Variants in KCNH4 observed in about 807,000 individuals in gnomAD.
KCNH4 encodes the protein potassium voltage-gated channel subfamily H member 4, also known as voltage-gated delayed rectifier potassium channel KCNH4.
A neutral mutation model predicts 90.7 loss-of-function variants in KCNH4; 33 were observed. That is an observed-to-expected ratio of 0.36 (90% CI 0.28 to 0.49). KCNH4 has a LOEUF of 0.49. Among genes scored for constraint, KCNH4 ranks in the 20% least tolerant of loss-of-function variants. The pLI is 0.98. For missense variants in KCNH4, 1,044 were observed against 1,387.1 expected, an observed-to-expected ratio of 0.75 and a Z score of 3.93; for synonymous variants, 551 against 581.7, an observed-to-expected ratio of 0.95 and a Z score of 0.76.
At chr17:42,158,726 T>A (rs1568029761) in intron 16 of KCNH4, among the ~76,000 whole-genome samples, 1 of 150,308 alleles carries the variant, frequency 6.7e-6, no homozygotes, top group East Asian at 2.0e-4. Flanking sequence ...TCCCAGCTAC[T>A]TGGGAGCCTG....
At chr17:42,172,353 T>C (rs2079832866) in intron 6 of KCNH4, among the ~76,000 whole-genome samples, 1 of 151,904 alleles carries the variant, frequency 6.6e-6, no homozygotes, top group South Asian at 2.1e-4. Context: ...TTTGTATTTG[T>C]AGTAGAGACA....
In KCNH4 at chr17:42,180,832, C is replaced by T. The variant is rs768572484; in HGVS notation, c.76+38G>A. ...GACGGCCCCGAGGATACTTGCCCCC[C>T]AGCTCGAACCTCAAGCCCCGACCTC... On this transcript the variant is annotated intron_variant, in intron 1 of 16. Transcript: ENST00000264661. This position sits in a 1 kb window ranked among gnomAD's most constrained non-coding sequence, Gnocchi z 4.7. 3.1e-6 allele frequency: 5 copies of T among 1,600,244 alleles called. No individual in the cohort carries two copies. The East Asian group carries it at 1.1e-4, about 36-fold the overall frequency.
rs1364931996 is a variant in KCNH4, at chr17:42,181,133, C to T, written c.-188G>A. 3 of 548,872 alleles carry T rather than the reference C, an allele frequency of 5.5e-6. No homozygotes were observed. Among genetic ancestry groups the T allele is most frequent in the East Asian group, 3.4e-5 (1 of 29,838 alleles). The allele number at this position is 548,872 out of a possible 1,614,324, so 34.0% of individuals were successfully genotyped here. On this transcript the variant is annotated 5_prime_UTR_variant, in exon 1 of 17. Coordinates refer to ENST00000264661, the MANE Select transcript of KCNH4 (RefSeq NM_012285.3). ...CGTAGCTCTCGGCTCGGCTCAGCGC[C>T]GTTTCGGTCCCCCCCACCTCCCCAC...
At chr17:42,158,057 A>T (rs2079720722) in intron 16 of KCNH4, among the ~76,000 whole-genome samples, 1 of 151,652 alleles carries the variant, frequency 6.6e-6, no homozygotes, top group Non-Finnish European at 1.5e-5. Context: ...GCCTCCCGCG[A>T]AGCTGGGATT....
Position 42,171,972 on chromosome 17 carries a change from C to A in KCNH4, c.1011G>T (p.Lys337Asn). 6.2e-7 allele frequency: 1 copy of A among 1,607,954 alleles called. No homozygotes were observed. Among genetic ancestry groups the A allele is most frequent in the Non-Finnish European group, 8.5e-7 (1 of 1,177,648 alleles). Residue 337 changes from lysine (K) to asparagine (N), a missense_variant, in exon 7 of 17, where the codon AAG becomes AAT. Transcript: ENST00000264661. ...GCAGCAGCCGCAACAGCCGCACTGT[C>A]TTCAGTAGGTGCACCAGCGAGGTCT... ...ITVTSLVHLLKTVRLLRLLRL... is the reference protein window; with the variant it reads ...ITVTSLVHLLNTVRLLRLLRL...
At chr17:42,168,810 C>T (rs966369257) in intron 9 of KCNH4, among the ~76,000 whole-genome samples, 14 of 151,448 alleles carry the variant, frequency 9.2e-5, no homozygotes, top group African/African-American at 3.4e-4. Flanking sequence ...CTCGCTCTGC[C>T]GCCCAGGCTG....
chr17:42,177,418 A>G (rs1205709917), intron 4 of KCNH4, among the ~76,000 whole-genome samples: 11 of 148,910 alleles, frequency 7.4e-5, no homozygotes, highest in Non-Finnish European at 1.5e-4. Context: ...AGGCTGGTCT[A>G]GAACTCCTGG....
At chr17:42,160,587 A>C (rs2079739450) in intron 15 of KCNH4, 152 bp from the exon 16 acceptor site, 10 of 764,362 alleles carry the variant, frequency 1.3e-5, no homozygotes. Flanking sequence ...CCTAGATGGA[A>C]AATGCCCCAG....
In KCNH4 at chr17:42,180,991, C is replaced by A; in HGVS notation, c.-46G>T. On this transcript the variant is annotated 5_prime_UTR_variant, in exon 1 of 17. Transcript: ENST00000264661. The surrounding 1 kb of genome is among the most constrained non-coding windows in gnomAD (Gnocchi z 4.7). ...AGGCGCGGCGCTGGGGAGCTTTCAG[C>A]GCGGCCGGGCCGGAGGGGGCGCGCT... 3 of 1,575,768 alleles carry A rather than the reference C, an allele frequency of 1.9e-6. No homozygotes were observed. The highest frequency in any genetic ancestry group is 2.6e-6 in the Non-Finnish European group (3 of 1,154,312).
Position 42,176,123 on chromosome 17 carries a change from C to T in KCNH4, c.760G>A (p.Asp254Asn), listed in dbSNP as rs759200883. The T allele has an allele frequency of 1.1e-5, 18 of 1,613,734 alleles. No individual in the cohort carries two copies. Among genetic ancestry groups the T allele is most frequent in the Non-Finnish European group, 1.2e-5 (14 of 1,179,782 alleles). The change falls in exon 5 of 17, where the codon GAT becomes AAT. Residue 254 changes from aspartate (D) to asparagine (N), a missense_variant. This residue lies in a region of KCNH4 where 283 missense variants were observed against 378.6 expected (regional missense o/e 0.75). Transcript: ENST00000264661. ...TGTCGCGAAGTGATGGGGGTGTCAT[C>T]GTCACCCGAGAAACAGACATTGTAG... ...VPYNVCFSGD[D>N]DTPITSRHTL...
intron 11 of KCNH4, among the ~76,000 whole-genome samples, chr17:42,164,925 G>A (rs887774359): frequency 2.0e-5 from 3 of 152,070 alleles, no homozygotes; most frequent in African/African-American, 7.2e-5. Context: ...GGCCAACATG[G>A]TGAAACGCTA....
intron 15 of KCNH4, among the ~76,000 whole-genome samples, chr17:42,160,810 A>G (rs570963871): frequency 6.6e-6 from 1 of 152,368 alleles, no homozygotes; most frequent in East Asian, 1.9e-4. Flanking sequence ...AGAATCAACT[A>G]AGAAACTTTT....
chr17:42,177,043 C>T (rs1402234839), intron 4 of KCNH4, among the ~76,000 whole-genome samples: 1 of 152,076 alleles, frequency 6.6e-6, no homozygotes, highest in Non-Finnish European at 1.5e-5. Context: ...AGGCATGCAC[C>T]ACCATAGCCA....
intron 15 of KCNH4, 51 bp from the exon 16 acceptor site, chr17:42,160,486 T>C (rs1391335694): frequency 2.0e-6 from 3 of 1,518,540 alleles, no homozygotes; most frequent in Non-Finnish European, 2.7e-6. Flanking sequence ...AATAACAAGG[T>C]GCACCCCCCT....
chr17:42,158,375 A>C (rs1359975827), intron 16 of KCNH4, among the ~76,000 whole-genome samples: 3 of 148,562 alleles, frequency 2.0e-5, no homozygotes, highest in African/African-American at 7.5e-5. Context: ...CTAAAGATAC[A>C]AAAAAATTAG....
intron 6 of KCNH4, among the ~76,000 whole-genome samples, chr17:42,173,466 C>T (rs2079840894): frequency 1.3e-5 from 2 of 152,090 alleles, no homozygotes; most frequent in African/African-American, 4.8e-5. Flanking sequence ...GGGCCACTCT[C>T]TTGGGGATAC....
rs777453674 is a variant in KCNH4, at chr17:42,170,227, T to G, written c.1270A>C (p.Ser424Arg). The G allele has an allele frequency of 6.2e-7, 1 of 1,610,990 alleles. No homozygotes were observed. Among genetic ancestry groups the G allele is most frequent in the East Asian group, 2.2e-5 (1 of 44,880 alleles). Residue 424 changes from serine to arginine, a missense_variant, in exon 8 of 17, where the codon AGC becomes CGC. Around this residue, in one of 4 missense-constraint regions of KCNH4, gnomAD observed 318 missense variants for 479.6 expected, o/e 0.66. Coordinates refer to ENST00000264661, the MANE Select transcript of KCNH4 (RefSeq NM_012285.3). Reference sequence around the variant, plus strand: ...AAGTACAGTGCCGCGATGTAGGCGCTGCGCCGTGATGGGCCGCCCACCGAG... The same window carrying G: ...AAGTACAGTGCCGCGATGTAGGCGCGGCGCCGTGATGGGCCGCCCACCGAG... ...NGSVGGPSRR[S>R]AYIAALYFTL... is the part of the protein sequence containing the mutation.
Position 42,181,068 on chromosome 17 carries a change from T to C in KCNH4, c.-123A>G. The stretch of plus-strand genomic sequence containing the variant: ...GCCCTCCTGCCTCCTCCCCTCCCTC[T>C]TACTGCCGCTGCCGCTGCCGCTGCC... On this transcript the variant is annotated 5_prime_UTR_variant, in exon 1 of 17. Transcript: ENST00000264661. The C allele has an allele frequency of 2.5e-6, 2 of 802,322 alleles. No individual in the cohort carries two copies. Among genetic ancestry groups the C allele is most frequent in the East Asian group, 2.8e-5 (1 of 35,174 alleles). The allele number at this position is 802,322 out of a possible 1,614,324, so 49.7% of individuals were successfully genotyped here.
intron 11 of KCNH4, among the ~76,000 whole-genome samples, chr17:42,164,437 G>C (rs2079772071): frequency 6.6e-6 from 1 of 152,216 alleles, no homozygotes; most frequent in Non-Finnish European, 1.5e-5. Context: ...TGAGAGAAGA[G>C]GAACCCCCAG....
Sources: gnomAD v4.1 joint callset for allele counts (sites outside exome capture counted in the v4.1 genomes callset) on GRCh38, gnomAD v4.1.1 for gene constraint, gnomAD v4.1.1 regional missense constraint, Gnocchi (gnomAD v3.1) non-coding constraint, MANE v1.5 for transcripts, NCBI Gene and HGNC (gene_info 2026-07-23, HGNC 2026-07-21) for gene names.